The following KASH5 variants were observed in gnomAD, a reference collection of about 807,000 sequenced individuals.
KASH5 encodes protein KASH5.
In KASH5, 72 loss-of-function variants were observed where a neutral mutation model predicts 84.2. The observed-to-expected ratio is 0.85, with a 90% CI of 0.71 to 1.04. The LOEUF is 1.04. KASH5 is among the 50% of genes least tolerant of loss of function. KASH5 has a pLI of 0.00. For missense variants in KASH5, 650 were observed against 701.0 expected (o/e 0.93, Z 0.82); for synonymous variants, 260 against 279.1 (o/e 0.93, Z 0.68).
At chr19:49,394,893 T>G in intron 3 of KASH5, 2 of 590,558 alleles carry the variant, frequency 3.4e-6, no homozygotes, top group Non-Finnish European at 6.0e-6. Flanking sequence ...TCCCCTTTGG[T>G]TTACCCTGTG....
chr19:49,400,353 C>CTTTTTTTTTT (rs36066335), intron 9 of KASH5, among the ~76,000 whole-genome samples: 16 of 124,172 alleles, frequency 1.3e-4, no homozygotes, highest in Non-Finnish European at 1.5e-4. Flanking sequence ...CTTTTAGTTT[C>CTTTTTTTTTT]TTTTTTTTTT....
At chr19:49,404,307 A>G (rs1411491296) in intron 9 of KASH5, among the ~76,000 whole-genome samples, 1 of 152,188 alleles carries the variant, frequency 6.6e-6, no homozygotes, top group East Asian at 1.9e-4. Context: ...GCATTTCCCC[A>G]GTGACCACCT....
intron 2 of KASH5, chr19:49,393,681 A>ATGTGTGTGTGTGTGTGTG (rs1373976264): frequency 1.2e-5 from 1 of 85,788 alleles, no homozygotes; most frequent in East Asian, 3.2e-4. Context: ...AGACCCCAGG[A>ATGTGTGTGTGTGTGTGTG]CGTGTGTGTG....
Position 49,395,739 on chromosome 19 carries a change from G to A in KASH5, c.336-30G>A, listed in dbSNP as rs1375413656. The A allele has an allele frequency of 2.6e-6, 4 of 1,549,194 alleles. No homozygotes were observed. Among genetic ancestry groups the A allele is most frequent in the African/African-American group, 1.4e-5 (1 of 73,034 alleles). On this transcript the variant is annotated intron_variant, in intron 4 of 19. Transcript: ENST00000447857. This position sits in a 1 kb window ranked among gnomAD's most constrained non-coding sequence, Gnocchi z 4.4. Reference sequence around the variant, plus strand: ...GTGAGGACTGAGGGGCAGCTACAGTGGGGCGCTAAGCCTCATCCCTTTGAT... The same window carrying A: ...GTGAGGACTGAGGGGCAGCTACAGTAGGGCGCTAAGCCTCATCCCTTTGAT...
intron 2 of KASH5, among the ~76,000 whole-genome samples, 188 bp from the exon 3 acceptor site, chr19:49,394,288 A>G (rs1298868442): frequency 6.6e-6 from 1 of 152,176 alleles, no homozygotes; most frequent in East Asian, 1.9e-4. Flanking sequence ...GATGGGGGGA[A>G]GTAACTCAGA....
At position 49,412,904 on chromosome 19, in the gene KASH5, A is replaced by G. The variant is rs1974766551; in HGVS notation, c.1270-64A>G. On this transcript the variant is annotated intron_variant, in intron 15 of 19. Coordinates refer to ENST00000447857, the MANE Select transcript of KASH5 (RefSeq NM_144688.5). The surrounding 1 kb of genome is among the most constrained non-coding windows in gnomAD (Gnocchi z 4.6). Reference sequence around the variant, plus strand: ...GGGACCGGCGGGGGAGACAGTGGGCACTGTTAGGGTTGGAGCTTTGAGTGA... The same window carrying G: ...GGGACCGGCGGGGGAGACAGTGGGCGCTGTTAGGGTTGGAGCTTTGAGTGA... 6.5e-7 allele frequency: 1 copy of G among 1,540,554 alleles called. No individual in the cohort carries two copies. Among genetic ancestry groups the G allele is most frequent in the Admixed American group, 1.7e-5 (1 of 57,302 alleles).
intron 17 of KASH5, 71 bp downstream of exon 17, chr19:49,415,067 T>C: frequency 1.4e-6 from 2 of 1,422,236 alleles, no homozygotes; most frequent in Non-Finnish European, 1.9e-6. Context: ...TCGTTTCAAC[T>C]CTTCCCAAGC....
rs530103718 is a variant in KASH5, at chr19:49,399,362, C to G, written c.748-95C>G. On this transcript the variant is annotated intron_variant, in intron 8 of 19. Coordinates refer to ENST00000447857, the MANE Select transcript of KASH5 (RefSeq NM_144688.5). The surrounding 1 kb of genome is among the most constrained non-coding windows in gnomAD (Gnocchi z 4.4). ...TCAGGGCTTCCCAGACCCATTCCCC[C>G]AGGCCCTGGTTGTGTTTTCAGGGGT... 6.7e-5 allele frequency: 85 copies of G among 1,264,312 alleles called. 1 individual carries two copies. Among genetic ancestry groups the G allele is most frequent in the East Asian group, 5.8e-4 (23 of 39,922 alleles). The allele number at this position is 1,264,312 out of a possible 1,614,324, so 78.3% of individuals were successfully genotyped here. A position where few individuals can be genotyped will look rare whatever the true frequency, so the allele number is the denominator to read the frequency against.
chr19:49,410,959 T>G (rs2122210263), intron 15 of KASH5, among the ~76,000 whole-genome samples: 1 of 150,422 alleles, frequency 6.6e-6, no homozygotes, highest in African/African-American at 2.4e-5. Flanking sequence ...TTTGAGACGG[T>G]CTCACTCGCT....
In KASH5 at chr19:49,399,068, C is replaced by G. The variant is rs911260638; in HGVS notation, c.673C>G (p.Leu225Val). Residue 225 changes from leucine (L) to valine (V), a missense_variant, in exon 8 of 20, where the codon CTG (leucine) becomes GTG (valine). Physicochemically the swap from Leu to Val is conservative, Grantham distance 32 (BLOSUM62 1). Coordinates refer to ENST00000447857, the MANE Select transcript of KASH5 (RefSeq NM_144688.5). The surrounding 1 kb of genome is among the most constrained non-coding windows in gnomAD (Gnocchi z 4.4). ...GTTTGCCAAGGCCATGGATGAGGAG[C>G]TGGAGGACCTGAAGACTCTGGCCAG... ...LQFAKAMDEE[L>V]EDLKTLARSL... 2.6e-6 allele frequency: 4 copies of G among 1,551,622 alleles called. No individual in the cohort carries two copies. Among genetic ancestry groups the G allele is most frequent in the Non-Finnish European group, 3.5e-6 (4 of 1,147,026 alleles).
Position 49,399,829 on chromosome 19 carries a change from A to G in KASH5, c.798+322A>G. 4.3e-6 allele frequency: 2 copies of G among 463,818 alleles called. No homozygotes were observed. The highest frequency in any genetic ancestry group is 7.4e-6 in the Non-Finnish European group (2 of 270,514). The allele number at this position is 463,818 out of a possible 1,614,324, so 28.7% of individuals were successfully genotyped here. A position where few individuals can be genotyped will look rare whatever the true frequency, so the allele number is the denominator to read the frequency against. On this transcript the variant is annotated intron_variant, in intron 9 of 19. Transcript: ENST00000447857. The surrounding 1 kb of genome is among the most constrained non-coding windows in gnomAD (Gnocchi z 4.4). ...GGCATCTGCCTCAGTGGTTTGTGTG[A>G]GACTTCAACCGAAGGATACTTGCAA...
chr19:49,407,335 G>A (rs753561234), intron 11 of KASH5, 39 bp downstream of exon 11: 2 of 1,598,752 alleles, frequency 1.3e-6, no homozygotes, highest in East Asian at 2.2e-5. Flanking sequence ...CGCTTTCCAT[G>A]TGCACCAGCC....
Position 49,395,782 on chromosome 19 carries a change from G to C in KASH5, c.349G>C (p.Glu117Gln). ...CCTTTGATACAGGGGATTAGAGCTG[G>C]AAGAGGAGACCGCCTTCCAGGGAGC... The part of the protein sequence containing the change: ...ACQLHGGLEL[E>Q]EETAFQGALT... The change falls in exon 5 of 20, where the codon GAA becomes CAA. Residue 117 changes from glutamate (E) to glutamine (Q), a missense_variant. By Grantham distance (29) the Glu-to-Gln change is conservative. Transcript: ENST00000447857. The surrounding 1 kb of genome is among the most constrained non-coding windows in gnomAD (Gnocchi z 4.4). 6.4e-7 allele frequency: 1 copy of C among 1,562,188 alleles called. No homozygotes were observed. The highest frequency in any genetic ancestry group is 8.7e-7 in the Non-Finnish European group (1 of 1,153,320).
chr19:49,399,522 A>G lies in KASH5; in HGVS notation c.798+15A>G. 6.2e-7 allele frequency: 1 copy of G among 1,601,400 alleles called. No homozygotes were observed. Among genetic ancestry groups the G allele is most frequent in the Non-Finnish European group, 8.5e-7 (1 of 1,174,008 alleles). On this transcript the variant is annotated intron_variant, in intron 9 of 19. Coordinates refer to ENST00000447857, the MANE Select transcript of KASH5 (RefSeq NM_144688.5). This position sits in a 1 kb window ranked among gnomAD's most constrained non-coding sequence, Gnocchi z 4.4. The stretch of plus-strand genomic sequence containing the variant: ...TGCAGGAGGAGGTGAGCGGAGGCCC[A>G]GCACCACCCCCACCCCTTCCCCAGT...
At chr19:49,389,712 G>C (rs545254805) in intron 1 of KASH5, 1 of 152,362 alleles carries the variant, frequency 6.6e-6, no homozygotes, top group African/African-American at 2.4e-5. Flanking sequence ...AGGGGCGCCC[G>C]TGCCCGCTGT....
intron 16 of KASH5, 145 bp downstream of exon 16, chr19:49,413,171 T>C (rs574761365): frequency 8.8e-6 from 7 of 798,328 alleles, no homozygotes; most frequent in African/African-American, 8.6e-5. Flanking sequence ...CCTGGGCCTG[T>C]AGGCCAGGAG....
rs544010985 is a variant in KASH5 at position 49,410,178 on chromosome 19, A to G, written c.1269+303A>G. On this transcript the variant is annotated intron_variant, in intron 15 of 19. Transcript: ENST00000447857. ...CACTCTTGGGAATTACATTATTTAA[A>G]ATCGTACTACTGTAGGAAGGGAATA... Among the ~76,000 whole-genome samples, 13 of 152,334 alleles carry G rather than the reference A, an allele frequency of 8.5e-5. No individual in the cohort carries two copies. The South Asian group carries it at 2.7e-3, about 32-fold the overall frequency.
chr19:49,405,453 T>C, intron 9 of KASH5, among the ~76,000 whole-genome samples: 1 of 110,920 alleles, frequency 9.0e-6, no homozygotes, highest in Admixed American at 9.7e-5. Context: ...GTGAAACTCC[T>C]CTCAAAAAAA....
intron 1 of KASH5, chr19:49,389,444 G>A (rs1973927552): frequency 6.7e-6 from 1 of 150,076 alleles, no homozygotes; most frequent in Admixed American, 6.6e-5. Context: ...CCCCGTCTCA[G>A]TCCCGTCAGA....
Sources: allele counts gnomAD v4.1 joint callset (sites outside exome capture counted in the v4.1 genomes callset), GRCh38; gene constraint gnomAD v4.1.1; non-coding constraint Gnocchi (gnomAD v3.1); transcripts MANE v1.5; gene names NCBI Gene and HGNC (gene_info 2026-07-23, HGNC 2026-07-21).